Variants in PUDP observed in about 807,000 individuals in gnomAD.
PUDP encodes the protein pseudouridine-5'-phosphatase.
PUDP carries 8 observed loss-of-function variants against 9.4 expected under a neutral mutation model. The observed-to-expected ratio is 0.85, with a 90% CI of 0.50 to 1.53. PUDP has a LOEUF of 1.53. Among genes scored for constraint, PUDP ranks in the 40% most tolerant of loss-of-function variants. The pLI, the probability that PUDP is intolerant of heterozygous loss-of-function variation, is 0.00. For missense variants in PUDP, 188 were observed against 189.7 expected (o/e 0.99, Z 0.05); for synonymous variants, 99 against 80.7 (o/e 1.23, Z -1.22).
At chrX:6,975,692 AAGG>A (rs1928943719) in intron 3 of PUDP, among the ~76,000 whole-genome samples, 1 of 111,698 alleles carries the variant, frequency 9.0e-6, no homozygotes, top group South Asian at 3.7e-4. Flanking sequence ...CACGGGGGTC[AAGG>A]ACCCACTTGA....
intron 3 of PUDP, among the ~76,000 whole-genome samples, chrX:6,838,887 A>G (rs113336073): frequency 0.12 from 12,941 of 111,826 alleles, 889 homozygotes; most frequent in African/African-American, 0.26. Flanking sequence ...CAAGTCATGC[A>G]TGTCTAAAGG....
intron 3 of PUDP, among the ~76,000 whole-genome samples, chrX:6,964,230 T>C (rs1928748989): frequency 1.8e-5 from 2 of 112,617 alleles, no homozygotes; most frequent in Admixed American, 9.4e-5. Flanking sequence ...AGCATATGTC[T>C]TATTTTCTGG....
intron 3 of PUDP, among the ~76,000 whole-genome samples, chrX:6,846,091 C>G (rs1249589000): frequency 8.9e-6 from 1 of 111,933 alleles, no homozygotes; most frequent in African/African-American, 3.2e-5. Context: ...TAAAACTGTA[C>G]TGTAAACATT....
At chrX:7,128,858 T>G (rs2146924159) in intron 1 of PUDP, among the ~76,000 whole-genome samples, 1 of 112,285 alleles carries the variant, frequency 8.9e-6, no homozygotes, top group South Asian at 3.7e-4. Flanking sequence ...AGCCATCAGA[T>G]GAAACAGCGG....
In PUDP at chrX:6,831,349, G is replaced by C. The variant is rs150905243; in HGVS notation, c.*248-124883C>G. On this transcript the variant is annotated intron_variant and NMD_transcript_variant, in intron 3 of 3. Transcript: ENST00000655425. ...CTAATTTGTTAGCCTTGAAAAGGCA[G>C]TCTAGTCCCCAGGTAAGAAAGGGGT... Among the ~76,000 whole-genome samples, 72 of 112,300 alleles carry C rather than the reference G, an allele frequency of 6.4e-4. 2 individuals are homozygous for C. The East Asian group carries it at 0.02, about 31-fold the overall frequency.
intron 3 of PUDP, among the ~76,000 whole-genome samples, chrX:6,927,043 T>C (rs1486069881): frequency 9.3e-6 from 1 of 107,260 alleles, no homozygotes; most frequent in African/African-American, 3.4e-5. Context: ...TCCTCCTGCG[T>C]CAGCCTCCTG....
intron 3 of PUDP, among the ~76,000 whole-genome samples, chrX:6,919,013 C>T (rs1927978005): frequency 8.9e-6 from 1 of 111,870 alleles, no homozygotes; most frequent in Admixed American, 9.5e-5. Context: ...TTCTGCAACA[C>T]AGAATTAGGA....
intron 3 of PUDP, among the ~76,000 whole-genome samples, chrX:6,952,501 T>C (rs1928572006): frequency 8.9e-6 from 1 of 112,070 alleles, no homozygotes; most frequent in Non-Finnish European, 1.9e-5. Context: ...AGGACACTGT[T>C]ACAATTAGTC....
intron 3 of PUDP, among the ~76,000 whole-genome samples, chrX:6,967,198 T>C (rs1928800053): frequency 8.9e-6 from 1 of 111,797 alleles, no homozygotes; most frequent in South Asian, 3.8e-4. Flanking sequence ...TGGCCTTCTA[T>C]CTGGTGCAGA....
chrX:6,932,669 T>C (rs1027497973), intron 3 of PUDP, among the ~76,000 whole-genome samples: 60 of 111,810 alleles, frequency 5.4e-4, no homozygotes, highest in African/African-American at 1.8e-3. Flanking sequence ...GGGCGAGGCA[T>C]TGCCTCACTT....
chrX:7,100,135 T>C (rs1200450982), intron 2 of PUDP, among the ~76,000 whole-genome samples: 1 of 92,383 alleles, frequency 1.1e-5, no homozygotes, highest in African/African-American at 4.1e-5. Context: ...ATTGGACTGA[T>C]TCCTCGGTGA....
chrX:6,819,174 G>T (rs988852173), intron 3 of PUDP, among the ~76,000 whole-genome samples: 1 of 111,760 alleles, frequency 8.9e-6, no homozygotes, highest in Non-Finnish European at 1.9e-5. Flanking sequence ...TGGGATTTGG[G>T]CATCTTTATG....
chrX:6,821,228 G>T (rs1363968333), intron 3 of PUDP, among the ~76,000 whole-genome samples: 1 of 111,550 alleles, frequency 9.0e-6, no homozygotes, highest in Admixed American at 9.5e-5. Context: ...CACACGAGGT[G>T]TAAGTCTGCA....
intron 3 of PUDP, among the ~76,000 whole-genome samples, chrX:6,788,457 C>A (rs1670311305): frequency 8.9e-6 from 1 of 112,080 alleles, no homozygotes; most frequent in African/African-American, 3.2e-5. Flanking sequence ...AATCCCAGTA[C>A]TTCCAGAGGC....
At chrX:6,781,790 T>C (rs899629891) in intron 3 of PUDP, among the ~76,000 whole-genome samples, 4 of 112,242 alleles carry the variant, frequency 3.6e-5, no homozygotes, top group African/African-American at 1.3e-4. Context: ...TGTTAGATTA[T>C]TGGAGGATGG....
chrX:7,130,370 T>TACACACACAC (rs35470120), intron 1 of PUDP, among the ~76,000 whole-genome samples: 2 of 104,230 alleles, frequency 1.9e-5, no homozygotes, highest in African/African-American at 7.0e-5. Context: ...ATGCACATAC[T>TACACACACAC]ACACACACAC....
intron 1 of PUDP, among the ~76,000 whole-genome samples, chrX:7,038,693 G>A (rs1929883810): frequency 9.0e-6 from 1 of 111,148 alleles, no homozygotes; most frequent in South Asian, 3.8e-4. Context: ...ATTGTGATTG[G>A]GAAGAAATTA....
intron 1 of PUDP, among the ~76,000 whole-genome samples, chrX:7,025,696 C>A (rs1039217856): frequency 2.7e-5 from 3 of 112,072 alleles, no homozygotes; most frequent in African/African-American, 9.7e-5. Flanking sequence ...CCAAGGGAGA[C>A]AAGCTTGTCA....
At chrX:7,045,358 C>T (rs775423092), downstream of PUDP, among the ~76,000 whole-genome samples, 2 of 112,169 alleles carry the variant, frequency 1.8e-5, no homozygotes, top group South Asian at 7.5e-4. Flanking sequence ...TACACGCTGG[C>T]TTTTGGTTCT....
Sources: allele counts gnomAD v4.1 joint callset (sites outside exome capture counted in the v4.1 genomes callset), GRCh38; gene constraint gnomAD v4.1.1; transcripts MANE v1.5; gene names NCBI Gene and HGNC (gene_info 2026-07-23, HGNC 2026-07-21).